The following SORBS2 variants were observed in gnomAD, a reference collection of about 807,000 sequenced individuals.
SORBS2 encodes sorbin and SH3 domain containing 2, also known as sorbin and SH3 domain-containing protein 2.
A neutral mutation model predicts 97.7 loss-of-function variants in SORBS2; 46 were observed. The observed-to-expected ratio is 0.47, with a 90% CI of 0.37 to 0.60. SORBS2 has a LOEUF of 0.60. Among genes scored for constraint, SORBS2 ranks in the 20% least tolerant of loss-of-function variants. The pLI is 0.00. For synonymous variants in SORBS2, 476 were observed against 473.4 expected, an observed-to-expected ratio of 1.01 and a Z score of -0.07; for missense variants, 1,316 against 1,282.3, an observed-to-expected ratio of 1.03 and a Z score of -0.40.
At chr4:185,947,504 G>T (rs369908218) in intron 1 of SORBS2, among the ~76,000 whole-genome samples, 1 of 152,170 alleles carries the variant, frequency 6.6e-6, no homozygotes, top group Non-Finnish European at 1.5e-5. Context: ...GCAAACCTGG[G>T]TTCCAACCCA....
intron 2 of SORBS2, among the ~76,000 whole-genome samples, chr4:185,736,743 G>T (rs912401659): frequency 6.6e-6 from 1 of 152,082 alleles, no homozygotes; most frequent in Non-Finnish European, 1.5e-5. Flanking sequence ...TGTGGTCAAG[G>T]TTCACACGTC....
chr4:185,688,742 T>A (rs1582784088), intron 2 of SORBS2, among the ~76,000 whole-genome samples: 1 of 152,136 alleles, frequency 6.6e-6, no homozygotes, highest in Non-Finnish European at 1.5e-5. Context: ...TAAGGCAATA[T>A]ATGTGTGTAT....
At chr4:185,622,932 G>A in exon 7 of SORBS2, 1 of 1,610,362 alleles carries the variant, frequency 6.2e-7, no homozygotes. Context: ...GCACCGCCAC[G>A]GTCTTGGTGG....
Position 185,684,020 on chromosome 4 carries a change from AACCAACCC to A in SORBS2, c.-197-5206_-197-5199del, listed in dbSNP as rs1321174625. On this transcript the variant is annotated intron_variant, in intron 2 of 20. Transcript: ENST00000284776. The surrounding 1 kb of genome is among the most constrained non-coding windows in gnomAD (Gnocchi z 4.2). ...CAGCTAACCAACCAGCCAACCAACC[AACCAACCC>A]ACCAACCAACCCATCACCAACAGGT... Among the ~76,000 whole-genome samples the A allele has an allele frequency of 9.5e-4, 145 of 152,128 alleles. 1 individual carries two copies. The highest frequency in any genetic ancestry group is 3.4e-3 in the Middle Eastern group (1 of 294).
chr4:185,950,934 A>C (rs2099276922), intron 1 of SORBS2, among the ~76,000 whole-genome samples: 1 of 152,186 alleles, frequency 6.6e-6, no homozygotes, highest in South Asian at 2.1e-4. Context: ...AACCCCTATA[A>C]GTATTTCCCC....
chr4:185,770,192 C>A (rs1479749765), intron 2 of SORBS2, among the ~76,000 whole-genome samples: 1 of 152,108 alleles, frequency 6.6e-6, no homozygotes, highest in African/African-American at 2.4e-5. Context: ...GATTCTCCTG[C>A]CTCAGCCTCC....
In SORBS2 at chr4:185,606,218, G is replaced by C; in HGVS notation, c.2796+5562C>G. 1 of 985,374 alleles carries C rather than the reference G, an allele frequency of 1.0e-6. No individual in the cohort carries two copies. Among genetic ancestry groups the C allele is most frequent in the Non-Finnish European group, 1.2e-6 (1 of 829,920 alleles). The allele number at this position is 985,374 out of a possible 1,614,324, so 61.0% of individuals were successfully genotyped here. ...GGATGATAATGTCACACACCTCACT[G>C]GGTTTTGACGATTAAAGATGTGGAG... On this transcript the variant is annotated intron_variant, in intron 12 of 14. Transcript: ENST00000418609. This position sits in a 1 kb window ranked among gnomAD's most constrained non-coding sequence, Gnocchi z 4.3.
intron 4 of SORBS2, among the ~76,000 whole-genome samples, chr4:185,664,519 C>A (rs1021594147): frequency 1.3e-5 from 2 of 152,180 alleles, no homozygotes; most frequent in African/African-American, 4.8e-5. Flanking sequence ...GGAACCCACA[C>A]CTGCTGTGCT....
chr4:185,680,835 C>T (rs1035070178), intron 2 of SORBS2, among the ~76,000 whole-genome samples: 6 of 152,106 alleles, frequency 3.9e-5, no homozygotes, highest in African/African-American at 1.4e-4. Context: ...GGCTCTGTTT[C>T]TTCACGCTGG....
chr4:185,731,286 T>C (rs1436321186), intron 2 of SORBS2, among the ~76,000 whole-genome samples: 1 of 152,220 alleles, frequency 6.6e-6, no homozygotes, highest in Non-Finnish European at 1.5e-5. Context: ...TTGGCTTCTA[T>C]TGAAAATACC....
At chr4:185,708,587 A>G (rs1477901445) in intron 2 of SORBS2, among the ~76,000 whole-genome samples, 1 of 152,246 alleles carries the variant, frequency 6.6e-6, no homozygotes, top group Admixed American at 6.5e-5. Context: ...ATGACTTCAT[A>G]TACATTTGGC....
intron 2 of SORBS2, among the ~76,000 whole-genome samples, chr4:185,763,837 A>G (rs1303249507): frequency 1.3e-5 from 2 of 152,232 alleles, no homozygotes; most frequent in African/African-American, 4.8e-5. Context: ...AACTCTTAAA[A>G]AGATAGTGAT....
chr4:185,699,007 A>G (rs961704744), intron 2 of SORBS2, among the ~76,000 whole-genome samples: 2 of 152,188 alleles, frequency 1.3e-5, no homozygotes, highest in African/African-American at 4.8e-5. Context: ...AAAAAGCCAC[A>G]CTTTTCTTCT....
At chr4:185,925,180 CTG>C (rs1490470738) in intron 1 of SORBS2, among the ~76,000 whole-genome samples, 3 of 152,202 alleles carry the variant, frequency 2.0e-5, no homozygotes, top group Non-Finnish European at 4.4e-5. Flanking sequence ...TTCTGATAAA[CTG>C]TGTGATTTGC....
rs950441999 is a variant in SORBS2, at chr4:185,665,943, G to A, written c.-45-3701C>T. The A allele has an allele frequency of 1.1e-5, 14 of 1,236,452 alleles. No individual in the cohort carries two copies. In the South Asian group the frequency reaches 1.8e-4, roughly 16 times the overall value. 76.6% of individuals were successfully genotyped at this position (1,236,452 alleles called of 1,614,324 possible). Reference sequence around the variant, plus strand: ...TCAGAGAGCCTGTGTCGTGGCTGTGGATGAGGCTTTCTGGAGCTGGGAGCA... The same window carrying A: ...TCAGAGAGCCTGTGTCGTGGCTGTGAATGAGGCTTTCTGGAGCTGGGAGCA... On this transcript the variant is annotated intron_variant, in intron 4 of 20. Transcript: ENST00000284776.
chr4:185,942,031 A>G (rs4070570), intron 1 of SORBS2, among the ~76,000 whole-genome samples: 139,048 of 152,062 alleles, frequency 0.91, 63,656 homozygotes, highest in East Asian at 0.94. Flanking sequence ...CAGGAGAATC[A>G]CTTGAACCCA....
chr4:185,744,294 C>T (rs2098747015), intron 2 of SORBS2, among the ~76,000 whole-genome samples: 1 of 152,130 alleles, frequency 6.6e-6, no homozygotes, highest in African/African-American at 2.4e-5. Flanking sequence ...TTATTGCATT[C>T]ATGTGGAACT....
intron 12 of SORBS2, among the ~76,000 whole-genome samples, chr4:185,601,509 T>C (rs1466293805): frequency 1.4e-4 from 22 of 152,182 alleles, no homozygotes; most frequent in Non-Finnish European, 1.6e-4. Flanking sequence ...CCACATCAGA[T>C]GGAAACTCCT....
At chr4:185,842,461 A>G (rs1358618187) in intron 1 of SORBS2, among the ~76,000 whole-genome samples, 5 of 152,128 alleles carry the variant, frequency 3.3e-5, no homozygotes, top group Non-Finnish European at 7.4e-5. Context: ...ACCTGATCTC[A>G]TGACCTTACT....
Sources: gnomAD v4.1 joint callset for allele counts (sites outside exome capture counted in the v4.1 genomes callset) on GRCh38, gnomAD v4.1.1 for gene constraint, Gnocchi (gnomAD v3.1) non-coding constraint, MANE v1.5 for transcripts, NCBI Gene and HGNC (gene_info 2026-07-23, HGNC 2026-07-21) for gene names.